PPFIBP1: variants seen among roughly 807,000 people sequenced by gnomAD.
The protein encoded by PPFIBP1 is PPFIB scaffold protein 1, also known as liprin-beta-1.
Under a neutral mutation model 137.8 loss-of-function variants are expected in PPFIBP1, and 112 were observed. That is an observed-to-expected ratio of 0.81 (90% confidence interval 0.70 to 0.95). The LOEUF (loss-of-function observed/expected upper bound fraction) is 0.95. PPFIBP1 is among the 40% of genes least tolerant of loss of function. The pLI, the probability that PPFIBP1 is intolerant of heterozygous loss-of-function variation, is 0.00. For missense variants in PPFIBP1, 1,083 were observed against 1,196.6 expected (o/e 0.91, Z 1.40); for synonymous variants, 378 against 417.3 (o/e 0.91, Z 1.15).
intron 2 of PPFIBP1, among the ~76,000 whole-genome samples, chr12:27,610,913 C>T (rs1405714901): frequency 6.6e-6 from 1 of 150,840 alleles, no homozygotes; most frequent in Non-Finnish European, 1.5e-5. Flanking sequence ...TATGGAAGTG[C>T]CTAAATTTTA....
At chr12:27,675,461 C>T (rs1426644838) in intron 17 of PPFIBP1, among the ~76,000 whole-genome samples, 1 of 152,146 alleles carries the variant, frequency 6.6e-6, no homozygotes, top group Admixed American at 6.6e-5. Context: ...TCACCCTTTT[C>T]TCTGCTTCTG....
At position 27,673,781 on chromosome 12, in the gene PPFIBP1, A is replaced by G; in HGVS notation, c.1334A>G (p.Gln445Arg). Reference protein sequence around the residue: ...LCDKLLTSSLQKSSSLGNLKK... With the variant: ...LCDKLLTSSLRKSSSLGNLKK... ...GTTATTTTTAGAACTTCAAGTCTGC[A>G]GAAGTCCAGCAGCCTGGGCAATCTG... The change falls in exon 16 of 30, where the codon CAG (glutamine) becomes CGG (arginine). Residue 445 changes from glutamine to arginine, a missense_variant. Transcript: ENST00000228425. 6.2e-7 allele frequency: 1 copy of G among 1,613,466 alleles called. No individual in the cohort carries two copies. Among genetic ancestry groups the G allele is most frequent in the Non-Finnish European group, 8.5e-7 (1 of 1,179,574 alleles).
At chr12:27,556,684 T>C (rs1592438434) in intron 1 of PPFIBP1, among the ~76,000 whole-genome samples, 3 of 152,200 alleles carry the variant, frequency 2.0e-5, no homozygotes, top group Admixed American at 2.0e-4. Flanking sequence ...TAAGCTACTT[T>C]TAAGCCAACA....
intron 24 of PPFIBP1, among the ~76,000 whole-genome samples, chr12:27,687,029 A>G (rs1289053044): frequency 1.3e-5 from 2 of 152,242 alleles, no homozygotes; most frequent in East Asian, 3.9e-4. Flanking sequence ...ACTAAAGAGG[A>G]AACAAATAAA....
intron 1 of PPFIBP1, among the ~76,000 whole-genome samples, chr12:27,524,679 GTC>G (rs1262948079): frequency 6.6e-6 from 1 of 151,934 alleles, no homozygotes; most frequent in Non-Finnish European, 1.5e-5. Context: ...GGGCGTGTGT[GTC>G]TCTCTGTCTG....
intron 2 of PPFIBP1, among the ~76,000 whole-genome samples, chr12:27,613,504 AC>A (rs1319341282): frequency 6.6e-6 from 1 of 152,086 alleles, no homozygotes; most frequent in African/African-American, 2.4e-5. Flanking sequence ...GGAATTCGAG[AC>A]CAGCCTGGCC....
At chr12:27,596,892 C>A (rs1342413772) in intron 2 of PPFIBP1, among the ~76,000 whole-genome samples, 2 of 152,176 alleles carry the variant, frequency 1.3e-5, no homozygotes, top group African/African-American at 2.4e-5. Flanking sequence ...TCAAACATAG[C>A]CAGATTCAAA....
At chr12:27,662,436 G>A (rs1331146792) in intron 11 of PPFIBP1, among the ~76,000 whole-genome samples, 1 of 152,242 alleles carries the variant, frequency 6.6e-6, no homozygotes, top group Non-Finnish European at 1.5e-5. Context: ...TCTGGTAGCA[G>A]AATGGGAGAG....
chr12:27,638,231 C>T (rs1398425988), intron 4 of PPFIBP1, among the ~76,000 whole-genome samples: 2 of 152,034 alleles, frequency 1.3e-5, no homozygotes, highest in South Asian at 2.1e-4. Flanking sequence ...TATATTTTAC[C>T]ACAATAAAAA....
At chr12:27,595,301 C>T (rs1309554350) in intron 2 of PPFIBP1, among the ~76,000 whole-genome samples, 3 of 152,196 alleles carry the variant, frequency 2.0e-5, no homozygotes, top group African/African-American at 4.8e-5. Context: ...CACACATGCA[C>T]GCAAGACTGT....
chr12:27,619,931 CTA>C (rs1436748004), intron 2 of PPFIBP1, among the ~76,000 whole-genome samples: 1 of 151,532 alleles, frequency 6.6e-6, no homozygotes, highest in Non-Finnish European at 1.5e-5. Flanking sequence ...TATATATTTA[CTA>C]TATGTGTATT....
chr12:27,582,395 A>G (rs2051227311), intron 2 of PPFIBP1, among the ~76,000 whole-genome samples: 1 of 152,054 alleles, frequency 6.6e-6, no homozygotes, highest in African/African-American at 2.4e-5. Context: ...TTTTACACCT[A>G]TTTAGTGGAT....
At chr12:27,610,615 G>A (rs1419443417) in intron 2 of PPFIBP1, among the ~76,000 whole-genome samples, 2 of 152,178 alleles carry the variant, frequency 1.3e-5, no homozygotes, top group East Asian at 3.9e-4. Context: ...GTCTTGCTGA[G>A]CATGAATCAT....
rs530999976 is a variant in PPFIBP1 at position 27,584,320 on chromosome 12, G to A, written c.-36+6081G>A. Reference sequence around the variant, plus strand: ...AAACAGCACAAGGGTTGATCGACAAGTACAAACGTGTGAAAAATGTGGCAC... The same window carrying A: ...AAACAGCACAAGGGTTGATCGACAAATACAAACGTGTGAAAAATGTGGCAC... On this transcript the variant is annotated intron_variant, in intron 2 of 29. Transcript: ENST00000228425. 5 of 152,380 alleles carry A rather than the reference G, an allele frequency of 3.3e-5. No individual in the cohort carries two copies. The South Asian group carries it at 8.3e-4, about 25-fold the overall frequency. The allele number at this position is 152,380 out of a possible 1,614,324, so 9.4% of individuals were successfully genotyped here. A position where few individuals can be genotyped will look rare whatever the true frequency, so the allele number is the denominator to read the frequency against.
At chr12:27,562,963 G>A (rs2049282970) in intron 1 of PPFIBP1, among the ~76,000 whole-genome samples, 1 of 151,992 alleles carries the variant, frequency 6.6e-6, no homozygotes, top group Admixed American at 6.6e-5. Flanking sequence ...GATATTGTGT[G>A]CATAATTCTA....
Position 27,647,818 on chromosome 12 carries a change from T to C in PPFIBP1, c.447T>C (p.Asn149=), listed in dbSNP as rs752666981. 22 of 1,612,254 alleles carry C rather than the reference T, an allele frequency of 1.4e-5. No homozygotes were observed. In the African/African-American group the frequency reaches 2.5e-4, roughly 19 times the overall value. The change falls in exon 6 of 30, where the codon AAT becomes AAC. Residue 149 remains asparagine, a synonymous_variant. Transcript: ENST00000228425. ...FCLEEHREKV[N]ATEEMLQQEL... ...TTGAAGAGCACAGAGAGAAGGTGAA[T>C]GCCACAGAAGAAATGCTGCAGCAGG...
At chr12:27,598,548 G>C (rs1307095387) in intron 2 of PPFIBP1, among the ~76,000 whole-genome samples, 2 of 5,342 alleles carry the variant, frequency 3.7e-4, no homozygotes, top group African/African-American at 8.0e-4. Context: ...CTGTGTGTGT[G>C]TGTGTGTGTG....
intron 1 of PPFIBP1, chr12:27,538,009 G>T (rs1423814603): frequency 6.6e-6 from 1 of 152,078 alleles, no homozygotes; most frequent in African/African-American, 2.4e-5. Context: ...TTTTTTAGGA[G>T]AAATATTTCT....
At chr12:27,640,101 A>G (rs1488632875) in intron 4 of PPFIBP1, among the ~76,000 whole-genome samples, 1 of 152,232 alleles carries the variant, frequency 6.6e-6, no homozygotes, top group Non-Finnish European at 1.5e-5. Context: ...TTTTCCCCTT[A>G]GTCTTCAAGT....
Sources: allele counts gnomAD v4.1 joint callset (sites outside exome capture counted in the v4.1 genomes callset), GRCh38; gene constraint gnomAD v4.1.1; transcripts MANE v1.5; gene names NCBI Gene and HGNC (gene_info 2026-07-23, HGNC 2026-07-21).